CASS4: variants seen among roughly 807,000 people sequenced by gnomAD.
CASS4 encodes Cas scaffold protein family member 4, also known as cas scaffolding protein family member 4.
CASS4 carries 22 observed loss-of-function variants against 54.2 expected under a neutral mutation model. The ratio of observed to expected loss-of-function variants is 0.41; its 90% CI spans 0.29 to 0.58. CASS4 has a LOEUF of 0.58. Ranked by LOEUF, CASS4 falls within the 20% of genes least tolerant of loss-of-function variation. The pLI, the probability that CASS4 is intolerant of heterozygous loss-of-function variation, is 0.36. For missense variants in CASS4, 854 were observed against 986.7 expected (o/e 0.87, Z 1.80); for synonymous variants, 409 against 391.5 (o/e 1.04, Z -0.53).
At chr20:56,421,536 A>C (rs977142537) in intron 1 of CASS4, among the ~76,000 whole-genome samples, 1 of 152,062 alleles carries the variant, frequency 6.6e-6, no homozygotes, top group Non-Finnish European at 1.5e-5. Flanking sequence ...CTCTACAAAA[A>C]ATTTTTAAAA....
intron 1 of CASS4, among the ~76,000 whole-genome samples, chr20:56,417,570 G>C (rs774747843): frequency 6.6e-6 from 1 of 152,228 alleles, no homozygotes; most frequent in Non-Finnish European, 1.5e-5. Context: ...ATGAGGGACA[G>C]ACCTGGGCTT....
At chr20:56,432,186 T>C (rs1049623135) in intron 1 of CASS4, among the ~76,000 whole-genome samples, 3 of 152,134 alleles carry the variant, frequency 2.0e-5, no homozygotes, top group Admixed American at 6.5e-5. Flanking sequence ...AGGCTAAGTA[T>C]GAAACTGGTT....
chr20:56,427,960 C>G (rs1979722101), intron 1 of CASS4, among the ~76,000 whole-genome samples: 1 of 152,194 alleles, frequency 6.6e-6, no homozygotes, highest in Admixed American at 6.5e-5. Flanking sequence ...AGATCTACAT[C>G]TTTGTACAGA....
intron 1 of CASS4, among the ~76,000 whole-genome samples, chr20:56,415,869 CA>C (rs1979108839): frequency 6.6e-6 from 1 of 152,180 alleles, no homozygotes; most frequent in Non-Finnish European, 1.5e-5. Context: ...GTGTAATATC[CA>C]GACTGATTTA....
chr20:56,444,109 G>A (rs1014868849), intron 2 of CASS4, among the ~76,000 whole-genome samples: 2 of 152,174 alleles, frequency 1.3e-5, no homozygotes, highest in African/African-American at 2.4e-5. Context: ...GATGAATGGC[G>A]GGGTGGATTT....
chr20:56,455,885 C>G (rs546666404), intron 5 of CASS4, among the ~76,000 whole-genome samples: 1 of 151,994 alleles, frequency 6.6e-6, no homozygotes, highest in Non-Finnish European at 1.5e-5. Flanking sequence ...GAGCTGAGAT[C>G]GCACCACTGC....
At chr20:56,417,946 A>C (rs191556769) in intron 1 of CASS4, among the ~76,000 whole-genome samples, 1 of 152,280 alleles carries the variant, frequency 6.6e-6, no homozygotes, top group East Asian at 1.9e-4. Context: ...AGCATTTCCC[A>C]GCAACTTCCT....
In CASS4 at chr20:56,420,721, C is replaced by T. The variant is rs968096452; in HGVS notation, c.36+8227C>T. Among the ~76,000 whole-genome samples the T allele has an allele frequency of 9.2e-5, 14 of 151,994 alleles. No homozygotes were observed. The East Asian group carries it at 1.4e-3, about 15-fold the overall frequency. ...AGGTTCAAAAGTGAGAGTCTCCCCA[C>T]GGTTGAAAGGGGAATAGAAGCACAA... On this transcript the variant is annotated intron_variant, in intron 1 of 5. Transcript: ENST00000679887.
At chr20:56,458,266 C>A in intron 5 of CASS4, 74 bp from the exon 6 acceptor site, 1 of 1,454,786 alleles carries the variant, frequency 6.9e-7, no homozygotes, top group Non-Finnish European at 9.3e-7. Context: ...CAAATCTAGC[C>A]AAAACAGGAA....
intron 2 of CASS4, among the ~76,000 whole-genome samples, chr20:56,445,058 C>T (rs186903662): frequency 1.3e-5 from 2 of 151,770 alleles, no homozygotes; most frequent in Non-Finnish European, 2.9e-5. Flanking sequence ...TGCAGTGAGC[C>T]GAGATCGCGC....
intron 1 of CASS4, among the ~76,000 whole-genome samples, chr20:56,413,180 AAAAAG>A (rs1336648571): frequency 9.5e-4 from 144 of 151,944 alleles, no homozygotes; most frequent in African/African-American, 3.1e-3. Flanking sequence ...TAAAAAAAAA[AAAAAG>A]AAAAGAAAAG....
chr20:56,420,723 G>T (rs977769319), intron 1 of CASS4, among the ~76,000 whole-genome samples: 1 of 152,058 alleles, frequency 6.6e-6, no homozygotes, highest in African/African-American at 2.4e-5. Flanking sequence ...TCTCCCCACG[G>T]TTGAAAGGGG....
rs1979854241 is a variant in CASS4, at chr20:56,430,527, G to A, written c.37-6637G>A. Among the ~76,000 whole-genome samples the A allele has an allele frequency of 1.3e-5, 2 of 152,188 alleles. No individual in the cohort carries two copies. The highest frequency in any genetic ancestry group is 4.8e-5 in the African/African-American group (2 of 41,428). On this transcript the variant is annotated intron_variant, in intron 1 of 5. Transcript: ENST00000679887. This position sits in a 1 kb window ranked among gnomAD's most constrained non-coding sequence, Gnocchi z 4.2. ...CACTCTATTTAAGAATACCTTGTGA[G>A]TGGCCTCAGCAACCATTGCAATGGT...
intron 1 of CASS4, among the ~76,000 whole-genome samples, chr20:56,418,792 T>C (rs1367318239): frequency 1.3e-5 from 2 of 152,196 alleles, no homozygotes; most frequent in African/African-American, 4.8e-5. Flanking sequence ...AGGAACACAA[T>C]GTACCTTTCA....
At chr20:56,439,130 A>T (rs1380894091) in intron 2 of CASS4, among the ~76,000 whole-genome samples, 1 of 152,168 alleles carries the variant, frequency 6.6e-6, no homozygotes, top group African/African-American at 2.4e-5. Flanking sequence ...TTTTTATGTC[A>T]TATTGAACAT....
At chr20:56,450,322 C>G (rs1022341880) in intron 3 of CASS4, among the ~76,000 whole-genome samples, 3 of 152,212 alleles carry the variant, frequency 2.0e-5, no homozygotes, top group Non-Finnish European at 4.4e-5. Flanking sequence ...CCACGCCCGG[C>G]TGAGAAGTCT....
At chr20:56,443,091 T>TAAGTGAGAG (rs778152567) in intron 2 of CASS4, among the ~76,000 whole-genome samples, 9,514 of 151,610 alleles carry the variant, frequency 0.063, 449 homozygotes, top group Middle Eastern at 0.15. Context: ...TTGGTGTGTT[T>TAAGTGAGAG]CTGGGAGGTA....
At chr20:56,428,913 T>C (rs1979768280) in intron 1 of CASS4, among the ~76,000 whole-genome samples, 1 of 150,878 alleles carries the variant, frequency 6.6e-6, no homozygotes, top group Non-Finnish European at 1.5e-5. Context: ...GCAATCAGTG[T>C]ACCCCCCGAC....
At chr20:56,432,569 T>C (rs1300677162) in intron 1 of CASS4, among the ~76,000 whole-genome samples, 2 of 152,074 alleles carry the variant, frequency 1.3e-5, no homozygotes, top group Admixed American at 1.3e-4. Flanking sequence ...GGTTTCACCA[T>C]GTTGGCCAGG....
Sources: gnomAD v4.1 joint callset for allele counts (sites outside exome capture counted in the v4.1 genomes callset) on GRCh38, gnomAD v4.1.1 for gene constraint, Gnocchi (gnomAD v3.1) non-coding constraint, MANE v1.5 for transcripts, NCBI Gene and HGNC (gene_info 2026-07-23, HGNC 2026-07-21) for gene names.